The following MGAT5B variants were observed in gnomAD, a reference collection of about 807,000 sequenced individuals.
MGAT5B encodes the protein alpha-1,6-mannosylglycoprotein 6-beta-N-acetylglucosaminyltransferase B, also known as N-acetylglucosaminyl-transferase Vb.
In MGAT5B, 54 loss-of-function variants were observed where a neutral mutation model predicts 95.1. The ratio of observed to expected loss-of-function variants is 0.57; its 90% CI spans 0.46 to 0.71. MGAT5B has a LOEUF of 0.71. Among genes scored for constraint, MGAT5B ranks in the 30% least tolerant of loss-of-function variants. MGAT5B has a pLI of 0.00. For missense variants in MGAT5B, 935 were observed against 1,088.6 expected (o/e 0.86, Z 1.99); for synonymous variants, 464 against 451.0 (o/e 1.03, Z -0.36).
At chr17:76,946,966 C>T (rs1406614309) in intron 16 of MGAT5B, among the ~76,000 whole-genome samples, 1 of 152,238 alleles carries the variant, frequency 6.6e-6, no homozygotes, top group Non-Finnish European at 1.5e-5. Flanking sequence ...CACTCCTTCT[C>T]CTCCCACGGG....
chr17:76,900,177 C>T (rs1186909147), intron 3 of MGAT5B, among the ~76,000 whole-genome samples: 1 of 152,170 alleles, frequency 6.6e-6, no homozygotes, highest in Non-Finnish European at 1.5e-5. Context: ...CTCCTTGTAT[C>T]ATACTGGTAA....
chr17:76,874,276 C>T (rs1309133951), intron 2 of MGAT5B, among the ~76,000 whole-genome samples: 1 of 152,054 alleles, frequency 6.6e-6, no homozygotes, highest in Non-Finnish European at 1.5e-5. Flanking sequence ...TGTCAAACGG[C>T]GAGCACTCCA....
At chr17:76,891,397 G>A (rs1967863597) in intron 3 of MGAT5B, among the ~76,000 whole-genome samples, 2 of 151,764 alleles carry the variant, frequency 1.3e-5, no homozygotes, top group South Asian at 4.1e-4. Context: ...TTTTGTTTCT[G>A]GAGACGGGGT....
rs1033882214 is a variant in MGAT5B at position 76,912,299 on chromosome 17, C to T, written c.1025+6112C>T. ...GGGGGGCCCTGGGCAGAGTTCCCAG[C>T]GAGCAACCGCGAGCCCTTCAGGGAG... On this transcript the variant is annotated intron_variant, in intron 8 of 17. Transcript: ENST00000569840. This position sits in a 1 kb window ranked among gnomAD's most constrained non-coding sequence, Gnocchi z 5.0. Among the ~76,000 whole-genome samples, 5 of 152,120 alleles carry T rather than the reference C, an allele frequency of 3.3e-5. No individual in the cohort carries two copies. Among genetic ancestry groups the T allele is most frequent in the Admixed American group, 1.3e-4 (2 of 15,276 alleles).
intron 12 of MGAT5B, among the ~76,000 whole-genome samples, chr17:76,935,514 A>G (rs1292014709): frequency 1.3e-5 from 2 of 151,790 alleles, no homozygotes; most frequent in Admixed American, 6.6e-5. Flanking sequence ...TCTAACAGGC[A>G]TGGAATGGTG....
chr17:76,878,913 G>T (rs886138501), intron 2 of MGAT5B, among the ~76,000 whole-genome samples: 1 of 152,200 alleles, frequency 6.6e-6, no homozygotes, highest in African/African-American at 2.4e-5. Flanking sequence ...CATTTTACAT[G>T]AGGGTAAATT....
chr17:76,921,161 C>A (rs1247272035), intron 8 of MGAT5B, among the ~76,000 whole-genome samples: 1 of 152,154 alleles, frequency 6.6e-6, no homozygotes, highest in Non-Finnish European at 1.5e-5. Context: ...ACCCAGGGAA[C>A]AGTTTCTGTG....
At chr17:76,897,660 A>ACTTTCTTTCTTT (rs772516557) in intron 3 of MGAT5B, among the ~76,000 whole-genome samples, 1,208 of 68,880 alleles carry the variant, frequency 0.018, 33 homozygotes, top group Non-Finnish European at 0.02. Flanking sequence ...AAGTAAGGCC[A>ACTTTCTTTCTTT]CTTTCTTTCT....
intron 1 of MGAT5B, among the ~76,000 whole-genome samples, chr17:76,871,630 A>C (rs1212381803): frequency 6.6e-6 from 1 of 152,268 alleles, no homozygotes; most frequent in Non-Finnish European, 1.5e-5. Context: ...AAAATGCATA[A>C]AGCAAGTCTT....
rs771544973 is a variant in MGAT5B at position 76,905,990 on chromosome 17, G to A, written c.856-28G>A. ...GGGCTCAGAGCTGCTGCTCCTCTCT[G>A]CTGACCCTCTGTGTTCCGCCCACCC... On this transcript the variant is annotated intron_variant, in intron 7 of 17. Transcript: ENST00000569840. The surrounding 1 kb of genome is among the most constrained non-coding windows in gnomAD (Gnocchi z 4.2). 6.3e-7 allele frequency: 1 copy of A among 1,575,064 alleles called. No homozygotes were observed. The highest frequency in any genetic ancestry group is 1.9e-5 in the Admixed American group (1 of 53,510).
chr17:76,883,626 C>A (rs752385801), intron 3 of MGAT5B, among the ~76,000 whole-genome samples: 1 of 152,190 alleles, frequency 6.6e-6, no homozygotes, highest in South Asian at 2.1e-4. Context: ...CCACCCTATT[C>A]CAGGGAGACG....
chr17:76,882,385 T>C lies in MGAT5B; in HGVS notation c.329+87T>C, dbSNP rs74796728. On this transcript the variant is annotated intron_variant, in intron 3 of 17. Coordinates refer to ENST00000569840, the MANE Select transcript of MGAT5B (RefSeq NM_001199172.2). Reference sequence around the variant, plus strand: ...CGGGGTGCTGTCCGTCATCTCCTTTTGTGAATCTGGAGAAGATTTGGACCA... The same window carrying C: ...CGGGGTGCTGTCCGTCATCTCCTTTCGTGAATCTGGAGAAGATTTGGACCA... 857 of 1,454,688 alleles carry C rather than the reference T, an allele frequency of 5.9e-4. 7 individuals are homozygous for C. In the African/African-American group the frequency reaches 0.011, roughly 19 times the overall value. The allele number at this position is 1,454,688 out of a possible 1,614,324, so 90.1% of individuals were successfully genotyped here. A position where few individuals can be genotyped will look rare whatever the true frequency, so the allele number is the denominator to read the frequency against.
At chr17:76,925,243 C>T (rs61297914) in intron 9 of MGAT5B, 146 bp downstream of exon 9, 8 of 11,760 alleles carry the variant, frequency 6.8e-4, no homozygotes, top group South Asian at 2.6e-3. Flanking sequence ...CCGCCCTCCC[C>T]TCCCCTCCCC....
intron 3 of MGAT5B, among the ~76,000 whole-genome samples, chr17:76,886,157 G>A (rs148317977): frequency 2.4e-3 from 361 of 152,304 alleles, no homozygotes; most frequent in Middle Eastern, 0.014. Context: ...TTTCCATAAG[G>A]CCATAAAACC....
At chr17:76,939,411 G>A (rs1969794116) in intron 13 of MGAT5B, among the ~76,000 whole-genome samples, 2 of 152,122 alleles carry the variant, frequency 1.3e-5, no homozygotes, top group African/African-American at 4.8e-5. Flanking sequence ...CTACTCAGGA[G>A]GGTGAGACAG....
rs1289652634 is a variant in MGAT5B, at chr17:76,914,726, C to T, written c.1025+8539C>T. On this transcript the variant is annotated intron_variant, in intron 8 of 17. Coordinates refer to ENST00000569840, the MANE Select transcript of MGAT5B (RefSeq NM_001199172.2). This position sits in a 1 kb window ranked among gnomAD's most constrained non-coding sequence, Gnocchi z 5.1. ...CAGTCTCGGCTCACTGCATCCTCCA[C>T]CTCCGGGTTCAAGTGATTCTCCTGC... is the stretch of plus-strand genomic sequence containing the variant. Among the ~76,000 whole-genome samples the T allele has an allele frequency of 1.3e-5, 2 of 152,110 alleles. No homozygotes were observed. The highest frequency in any genetic ancestry group is 2.9e-5 in the Non-Finnish European group (2 of 68,034).
rs1261909333 is a variant in MGAT5B at position 76,882,234 on chromosome 17, G to A, written c.265G>A (p.Ala89Thr). The change falls in exon 3 of 18, where the codon GCC (alanine) becomes ACC (threonine). Residue 89 changes from alanine to threonine, a missense_variant. Physicochemically the swap from Ala to Thr is moderately conservative, Grantham distance 58. Transcript: ENST00000569840. ...ELMVKRMDAL[A>T]RLENSSELHR... ...GATGGTGAAGCGCATGGACGCACTG[G>A]CCAGGCTGGAGAACAGCAGTGAGCT... The A allele has an allele frequency of 1.2e-6, 2 of 1,613,658 alleles. No individual in the cohort carries two copies. The highest frequency in any genetic ancestry group is 1.7e-6 in the Non-Finnish European group (2 of 1,179,938).
At chr17:76,927,721 T>C (rs1482845014) in intron 10 of MGAT5B, among the ~76,000 whole-genome samples, 2 of 152,226 alleles carry the variant, frequency 1.3e-5, no homozygotes, top group African/African-American at 4.8e-5. Flanking sequence ...CCTCCTCGTG[T>C]CTGGTTCACG....
At position 76,948,776 on chromosome 17, in the gene MGAT5B, CG is replaced by C. The variant is rs770470143; in HGVS notation, c.2319del (p.Leu774SerfsTer63). ...SCAGSNTKYRRLCPCRDFRKG... is the reference protein window; with the variant it reads ...SCAGSNTKYRXLCPCRDFRKG... ...CGCCGGCTCCAACACCAAGTACCGCCGGCTCTGCCCCTGCCGCGACTTCCGC... is the reference window on the plus strand; with the variant it reads ...CGCCGGCTCCAACACCAAGTACCGCCGCTCTGCCCCTGCCGCGACTTCCGC... On this transcript the variant is annotated frameshift_variant, in exon 18 of 18. Transcript: ENST00000569840. LOFTEE classifies it high-confidence loss of function. The C allele has an allele frequency of 6.2e-7, 1 of 1,609,436 alleles. No homozygotes were observed.
Sources: gnomAD v4.1 joint callset for allele counts (sites outside exome capture counted in the v4.1 genomes callset) on GRCh38, gnomAD v4.1.1 for gene constraint, Gnocchi (gnomAD v3.1) non-coding constraint, MANE v1.5 for transcripts, NCBI Gene and HGNC (gene_info 2026-07-23, HGNC 2026-07-21) for gene names.